The following NBEAL2 variants were observed in gnomAD, a reference collection of about 807,000 sequenced individuals.
NBEAL2 encodes the protein neurobeachin-like protein 2.
In NBEAL2, 160 loss-of-function variants were observed where a neutral mutation model predicts 299.8. The observed-to-expected ratio is 0.53, with a 90% CI of 0.47 to 0.61. NBEAL2 has a LOEUF of 0.61. Ranked by LOEUF, NBEAL2 falls within the 20% of genes least tolerant of loss-of-function variation. The pLI is 0.00. For synonymous variants in NBEAL2, 1,493 were observed against 1,542.3 expected (o/e 0.97, Z 0.75); for missense variants, 3,112 against 3,649.0 (o/e 0.85, Z 3.79).
rs1468546195 is a variant in NBEAL2 at position 47,005,476 on chromosome 3, G to C, written c.6561-13G>C. ...TCTCCCCACCTCACCTTGGCCCCGTGCCCCTCCCCCAGCTTTGACTGCTCC... is the reference window on the plus strand; with the variant it reads ...TCTCCCCACCTCACCTTGGCCCCGTCCCCCTCCCCCAGCTTTGACTGCTCC... On this transcript the variant is annotated splice_polypyrimidine_tract_variant and intron_variant, in intron 40 of 53. Transcript: ENST00000450053. 1.9e-6 allele frequency: 3 copies of C among 1,609,680 alleles called. No homozygotes were observed. The highest frequency in any genetic ancestry group is 2.5e-6 in the Non-Finnish European group (3 of 1,178,166).
chr3:46,998,064 C>T lies in NBEAL2; in HGVS notation c.2959-3C>T. 2 of 1,563,214 alleles carry T rather than the reference C, an allele frequency of 1.3e-6. No homozygotes were observed. Among genetic ancestry groups the T allele is most frequent in the Non-Finnish European group, 1.7e-6 (2 of 1,153,518 alleles). The stretch of plus-strand genomic sequence containing the variant: ...CCTCACTCCAGCTCCTGTCTTATCC[C>T]AGGTCCCAAGCTGGGCCATGGACAT... On this transcript the variant is annotated splice_polypyrimidine_tract_variant and splice_region_variant and intron_variant, in intron 20 of 53. Transcript: ENST00000450053.
At position 47,003,182 on chromosome 3, in the gene NBEAL2, C is replaced by T. The variant is rs775509686; in HGVS notation, c.5593C>T (p.Pro1865Ser). Residue 1865 changes from proline to serine, a missense_variant, in exon 35 of 54, where the codon CCC (proline) becomes TCC (serine). Pro to Ser is a moderately conservative substitution (Grantham distance 74). Coordinates refer to ENST00000450053, the MANE Select transcript of NBEAL2 (RefSeq NM_015175.3). This position sits in a 1 kb window ranked among gnomAD's most constrained non-coding sequence, Gnocchi z 7.0. The part of the protein sequence containing the change: ...SALRDNLGEV[P>S]LTPTEEASLP... ...CCCTTGGCCCCTTGCAGGTGAGGTT[C>T]CCCTGACACCCACCGAGGAGGCCTC... is the stretch of plus-strand genomic sequence containing the variant. The T allele has an allele frequency of 1.3e-5, 21 of 1,606,252 alleles. No homozygotes were observed. The Admixed American group carries it at 2.2e-4, about 17-fold the overall frequency.
In NBEAL2 at chr3:46,988,045, C is replaced by T. The variant is rs747052252; in HGVS notation, c.52-624C>T. 7.9e-7 allele frequency: 1 copy of T among 1,271,558 alleles called. No individual in the cohort carries two copies. The highest frequency in any genetic ancestry group is 1.3e-5 in the South Asian group (1 of 79,446). 78.8% of individuals were successfully genotyped at this position (1,271,558 alleles called of 1,614,324 possible). ...CTGGGCTTAGCCACTGCCCCTCTTG[C>T]CCATGGAACCAGCTCTGGGGCCTGG... On this transcript the variant is annotated intron_variant, in intron 1 of 53. Coordinates refer to ENST00000450053, the MANE Select transcript of NBEAL2 (RefSeq NM_015175.3). The surrounding 1 kb of genome is among the most constrained non-coding windows in gnomAD (Gnocchi z 4.4).
Position 46,996,292 on chromosome 3 carries a change from G to C in NBEAL2, c.2173G>C (p.Gly725Arg). The C allele has an allele frequency of 1.2e-6, 2 of 1,608,324 alleles. No homozygotes were observed. The highest frequency in any genetic ancestry group is 1.3e-5 in the African/African-American group (1 of 75,006). ...LSEPFSSCCI[G>R]SAGYRTTTTT... ...ACAGCCTTTCTCCTCCTGCTGTATC[G>C]GCTCCGCTGGATACCGCACAACGAC... Residue 725 changes from glycine (G) to arginine (R), a missense_variant, in exon 16 of 54, where the codon GGC (glycine) becomes CGC (arginine). Physicochemically the swap from Gly to Arg is moderately radical, Grantham distance 125 (BLOSUM62 -2). This residue lies in a region of NBEAL2 where 2,243 missense variants were observed against 2,538.1 expected (regional missense o/e 0.88). Transcript: ENST00000450053.
At position 47,000,384 on chromosome 3, in the gene NBEAL2, T is replaced by G; in HGVS notation, c.4285T>G (p.Ser1429Ala). 1 of 1,576,366 alleles carries G rather than the reference T, an allele frequency of 6.3e-7. No homozygotes were observed. Among genetic ancestry groups the G allele is most frequent in the South Asian group, 1.2e-5 (1 of 85,136 alleles). Residue 1429 changes from serine to alanine, a missense_variant, in exon 27 of 54, where the codon TCG becomes GCG. By Grantham distance (99) the Ser-to-Ala change is moderately conservative. Transcript: ENST00000450053. This position sits in a 1 kb window ranked among gnomAD's most constrained non-coding sequence, Gnocchi z 4.5. ...GCCCACCATTAGCGGGGATGATACCTCGAACACCAGCAACCCACAGGTGAG... is the reference window on the plus strand; with the variant it reads ...GCCCACCATTAGCGGGGATGATACCGCGAACACCAGCAACCCACAGGTGAG... Reference protein sequence around the residue: ...PEPTISGDDTSNTSNPQQTSE... With the variant: ...PEPTISGDDTANTSNPQQTSE...
chr3:47,009,041 G>T lies in NBEAL2; in HGVS notation c.8080G>T (p.Ala2694Ser). The change falls in exon 53 of 54, where the codon GCC (alanine) becomes TCC (serine). Residue 2694 changes from alanine (A) to serine (S), a missense_variant. Physicochemically the swap from Ala to Ser is moderately conservative, Grantham distance 99. Coordinates refer to ENST00000450053, the MANE Select transcript of NBEAL2 (RefSeq NM_015175.3). ...LPMKVAIRSV[A>S]VTKERSHVLV... ...CATGAAGGTGGCCATCCGCAGCGTG[G>T]CCGTGACCAAGGAGCGCAGCCACGT... 1 of 1,601,654 alleles carries T rather than the reference G, an allele frequency of 6.2e-7. No homozygotes were observed. Among genetic ancestry groups the T allele is most frequent in the Non-Finnish European group, 8.5e-7 (1 of 1,179,806 alleles).
At position 47,000,317 on chromosome 3, in the gene NBEAL2, C is replaced by T. The variant is rs756202817; in HGVS notation, c.4218C>T (p.Ser1406=). 6 of 1,611,408 alleles carry T rather than the reference C, an allele frequency of 3.7e-6. No homozygotes were observed. The highest frequency in any genetic ancestry group is 1.1e-5 in the South Asian group (1 of 91,044). The part of the protein sequence containing the change: ...RPFPAAPGRH[S]SSLSNVLEDG... ...TTCCTGCTGCTCCTGGCCGCCACAG[C>T]TCCAGTCTCTCCAATGTGCTGGAGG... Residue 1406 remains serine (S), a synonymous_variant, in exon 27 of 54, where the codon AGC becomes AGT. Transcript: ENST00000450053. The surrounding 1 kb of genome is among the most constrained non-coding windows in gnomAD (Gnocchi z 4.5).
chr3:47,007,659 C>T lies in NBEAL2; in HGVS notation c.7469C>T (p.Pro2490Leu), dbSNP rs988120087. The change falls in exon 48 of 54, where the codon CCC becomes CTC. Residue 2490 changes from proline to leucine, a missense_variant. Pro to Leu is a moderately conservative substitution (Grantham distance 98). Transcript: ENST00000450053. ...WDGSLRVTALPRGKLLSQLSC... is the reference protein window; with the variant it reads ...WDGSLRVTALLRGKLLSQLSC... ...GGCAGCCTGCGGGTGACTGCACTAC[C>T]CCGTGGCAAGCTGTTGAGCCAGCTC... The T allele has an allele frequency of 6.2e-7, 1 of 1,610,526 alleles. No homozygotes were observed. Among genetic ancestry groups the T allele is most frequent in the Non-Finnish European group, 8.5e-7 (1 of 1,178,376 alleles).
intron 50 of NBEAL2, 31 bp downstream of exon 50, chr3:47,008,217 G>T: frequency 6.2e-7 from 1 of 1,613,486 alleles, no homozygotes; most frequent in South Asian, 1.1e-5. Context: ...TGGGGAGGGT[G>T]AGTTTCCTGG....
In NBEAL2 at chr3:46,999,061, C is replaced by G. The variant is rs758242897; in HGVS notation, c.3487C>G (p.Leu1163Val). 4.4e-6 allele frequency: 7 copies of G among 1,594,740 alleles called. No homozygotes were observed. The highest frequency in any genetic ancestry group is 6.0e-6 in the Non-Finnish European group (7 of 1,171,140). ...LLEPGNLEVL[L>V]ALLVRPGSLP... ...GGAGCCAGGGAACCTCGAAGTGCTA[C>G]TGGCCCTGCTAGTGCGGCCAGGGTC... is the stretch of plus-strand genomic sequence containing the variant. Residue 1163 changes from leucine (L) to valine (V), a missense_variant, in exon 24 of 54, where the codon CTG (leucine) becomes GTG (valine). Leu to Val is a conservative substitution (Grantham distance 32). Coordinates refer to ENST00000450053, the MANE Select transcript of NBEAL2 (RefSeq NM_015175.3).
In NBEAL2 at chr3:46,997,587, G is replaced by A; in HGVS notation, c.2851G>A (p.Ala951Thr). ...SEERMERNAV[A>T]AFLLMLRNFL... is the part of the protein sequence containing the mutation. ...GGAACGGATGGAGAGGAACGCAGTG[G>A]CTGCTTTTCTGCTGATGCTGCGGAA... is the stretch of plus-strand genomic sequence containing the variant. Residue 951 changes from alanine to threonine, a missense_variant, in exon 20 of 54, where the codon GCT (alanine) becomes ACT (threonine). Around this residue, in one of 3 missense-constraint regions of NBEAL2, gnomAD observed 2,243 missense variants for 2,538.1 expected, o/e 0.88. Transcript: ENST00000450053. 6.3e-7 allele frequency: 1 copy of A among 1,599,832 alleles called. No individual in the cohort carries two copies. Among genetic ancestry groups the A allele is most frequent in the Non-Finnish European group, 8.6e-7 (1 of 1,169,356 alleles).
At position 46,996,456 on chromosome 3, in the gene NBEAL2, C is replaced by T. The variant is rs764658048; in HGVS notation, c.2337C>T (p.Gly779=). 4 of 1,605,708 alleles carry T rather than the reference C, an allele frequency of 2.5e-6. No homozygotes were observed. In the South Asian group the frequency reaches 3.3e-5, roughly 13 times the overall value. ...GGCTGGTGGCCCCCCTGCAGGAGGG[C>T]AGCATCGACTCTACCCTCGCAGGCA... The part of the protein sequence containing the change: ...GSGLVAPLQE[G]SIDSTLAGTQ... Residue 779 remains glycine (G), a synonymous_variant, in exon 16 of 54, where the codon GGC becomes GGT. Transcript: ENST00000450053.
At chr3:46,987,271 C>T (rs981220923) in intron 1 of NBEAL2, among the ~76,000 whole-genome samples, 1 of 152,076 alleles carries the variant, frequency 6.6e-6, no homozygotes, top group African/African-American at 2.4e-5. Flanking sequence ...GGGTATGAGG[C>T]CCATGGCCCC....
Position 47,001,856 on chromosome 3 carries a change from G to T in NBEAL2, c.4782+30G>T. 2 of 1,611,256 alleles carry T rather than the reference G, an allele frequency of 1.2e-6. No individual in the cohort carries two copies. The highest frequency in any genetic ancestry group is 1.7e-6 in the Non-Finnish European group (2 of 1,178,000). ...GCACAGGGTGAGCATGGGGGCAGGG[G>T]GCGTGTGAGATGTCGGGAGCTCCAA... is the stretch of plus-strand genomic sequence containing the variant. On this transcript the variant is annotated intron_variant, in intron 30 of 53. Coordinates refer to ENST00000450053, the MANE Select transcript of NBEAL2 (RefSeq NM_015175.3). The surrounding 1 kb of genome is among the most constrained non-coding windows in gnomAD (Gnocchi z 6.1).
intron 33 of NBEAL2, 56 bp downstream of exon 33, chr3:47,002,858 A>T: frequency 6.4e-7 from 1 of 1,551,712 alleles, no homozygotes; most frequent in Non-Finnish European, 8.7e-7. Flanking sequence ...GGAGGGAGGG[A>T]GCCACCTGGA....
rs1396010637 is a variant in NBEAL2, at chr3:47,002,449, T to A, written c.5230T>A (p.Cys1744Ser). The change falls in exon 32 of 54, where the codon TGC (cysteine) becomes AGC (serine). Residue 1744 changes from cysteine to serine, a missense_variant. Coordinates refer to ENST00000450053, the MANE Select transcript of NBEAL2 (RefSeq NM_015175.3). ...HDLMSGFWNA[C>S]YDMLMSSGQR... The stretch of plus-strand genomic sequence containing the variant: ...CCTTATGTCAGGTTTCTGGAATGCC[T>A]GCTATGACATGCTTATGAGCAGTGG... 5 of 1,613,338 alleles carry A rather than the reference T, an allele frequency of 3.1e-6. No homozygotes were observed. Among genetic ancestry groups the A allele is most frequent in the Non-Finnish European group, 4.2e-6 (5 of 1,179,896 alleles).
chr3:47,003,755 T>C lies in NBEAL2; in HGVS notation c.5721-61T>C. On this transcript the variant is annotated intron_variant, in intron 35 of 53. Coordinates refer to ENST00000450053, the MANE Select transcript of NBEAL2 (RefSeq NM_015175.3). This position sits in a 1 kb window ranked among gnomAD's most constrained non-coding sequence, Gnocchi z 7.0. Reference sequence around the variant, plus strand: ...TGACTCAATGGCACTTGGATGCCCTTTGGGCTTGTGAAGAAGGGGGTCCCA... The same window carrying C: ...TGACTCAATGGCACTTGGATGCCCTCTGGGCTTGTGAAGAAGGGGGTCCCA... The C allele has an allele frequency of 6.6e-7, 1 of 1,512,146 alleles. No homozygotes were observed. The allele number at this position is 1,512,146 out of a possible 1,614,324, so 93.7% of individuals were successfully genotyped here. A position where few individuals can be genotyped will look rare whatever the true frequency, so the allele number is the denominator to read the frequency against.
At position 47,007,694 on chromosome 3, in the gene NBEAL2, C is replaced by T. The variant is rs1424166104; in HGVS notation, c.7504C>T (p.Leu2502Phe). 1 of 1,608,866 alleles carries T rather than the reference C, an allele frequency of 6.2e-7. No individual in the cohort carries two copies. Among genetic ancestry groups the T allele is most frequent in the East Asian group, 2.2e-5 (1 of 44,718 alleles). The part of the protein sequence containing the change: ...GKLLSQLSCH[L>F]DVVTCLALDT... ...GCTGTTGAGCCAGCTCAGCTGCCAC[C>T]TTGGTATGAACAGCCTTGGAGCTGG... Residue 2502 changes from leucine to phenylalanine, a missense_variant, in exon 48 of 54, where the codon CTT becomes TTT. Transcript: ENST00000450053.
rs201009621 is a variant in NBEAL2 at position 46,988,679 on chromosome 3, G to A, written c.62G>A (p.Gly21Asp). The change falls in exon 2 of 54, where the codon GGT (glycine) becomes GAT (aspartate). Residue 21 changes from glycine (G) to aspartate (D), a missense_variant. Physicochemically the swap from Gly to Asp is moderately conservative, Grantham distance 94. Coordinates refer to ENST00000450053, the MANE Select transcript of NBEAL2 (RefSeq NM_015175.3). The surrounding 1 kb of genome is among the most constrained non-coding windows in gnomAD (Gnocchi z 4.4). The stretch of plus-strand genomic sequence containing the variant: ...CTGTTCTGCCTACAGAAGGACCTGG[G>A]TTACCTGCAGCAGTGGCTGAAGGCC... ...WLLYYAQKDL[G>D]YLQQWLKAFV... is the part of the protein sequence containing the mutation. 1.2e-5 allele frequency: 19 copies of A among 1,613,864 alleles called. No individual in the cohort carries two copies. The East Asian group carries it at 3.6e-4, about 30-fold the overall frequency.
Sources: allele counts gnomAD v4.1 joint callset (sites outside exome capture counted in the v4.1 genomes callset), GRCh38; gene constraint gnomAD v4.1.1; regional missense constraint gnomAD v4.1.1; non-coding constraint Gnocchi (gnomAD v3.1); transcripts MANE v1.5; gene names NCBI Gene and HGNC (gene_info 2026-07-23, HGNC 2026-07-21).